EGFR: variants seen among roughly 807,000 people sequenced by gnomAD.
EGFR encodes the protein epidermal growth factor receptor.
Under a neutral mutation model 143.0 loss-of-function variants are expected in EGFR, and 58 were observed. The ratio of observed to expected loss-of-function variants is 0.41; its 90% CI spans 0.33 to 0.50. EGFR has a LOEUF of 0.50. Ranked by LOEUF, EGFR falls within the 20% of genes least tolerant of loss-of-function variation. EGFR has a pLI of 0.39. For missense variants in EGFR, 1,307 were observed against 1,579.0 expected, an observed-to-expected ratio of 0.83 and a Z score of 2.92; for synonymous variants, 613 against 594.4, an observed-to-expected ratio of 1.03 and a Z score of -0.45.
At chr7:55,065,302 C>A (rs1203376286) in intron 1 of EGFR, among the ~76,000 whole-genome samples, 1 of 152,154 alleles carries the variant, frequency 6.6e-6, no homozygotes, top group East Asian at 1.9e-4. Context: ...GAGGAGTAAG[C>A]TTTGCTGGTG....
intron 11 of EGFR, 79 bp downstream of exon 11, chr7:55,157,832 A>G: frequency 7.2e-7 from 1 of 1,382,974 alleles, no homozygotes; most frequent in Non-Finnish European, 1.0e-6. Context: ...GAGAGTTGCT[A>G]AGATAGGGCA....
Position 55,190,457 on chromosome 7 carries a change from A to T in EGFR, c.2470-1262A>T, listed in dbSNP as rs192555903. On this transcript the variant is annotated intron_variant, in intron 20 of 27. Transcript: ENST00000275493. ...GACTGGTTTTGCCTGAGAAAGAAAA[A>T]ATTTTAATTTTGCTCTGACATGCCA... is the stretch of plus-strand genomic sequence containing the variant. Among the ~76,000 whole-genome samples, 7 of 152,238 alleles carry T rather than the reference A, an allele frequency of 4.6e-5. No homozygotes were observed. In the East Asian group the frequency reaches 9.6e-4, roughly 21 times the overall value.
chr7:55,156,091 T>C, intron 8 of EGFR, 145 bp downstream of exon 8: 1 of 733,700 alleles, frequency 1.4e-6, no homozygotes, highest in East Asian at 2.7e-5. Flanking sequence ...GATAAAGCTG[T>C]AAAGCTAGGT....
chr7:55,177,629 A>C (rs944686300), intron 19 of EGFR, among the ~76,000 whole-genome samples: 3 of 152,232 alleles, frequency 2.0e-5, no homozygotes, highest in Admixed American at 6.5e-5. Context: ...CGGTAGAGCC[A>C]TTCACAGATG....
chr7:55,148,029 C>T (rs554323048), intron 4 of EGFR, among the ~76,000 whole-genome samples: 1 of 152,294 alleles, frequency 6.6e-6, no homozygotes, highest in Non-Finnish European at 1.5e-5. Flanking sequence ...GTCCATTCAC[C>T]TATCTACAGA....
intron 1 of EGFR, among the ~76,000 whole-genome samples, chr7:55,127,602 C>T (rs888149066): frequency 3.9e-5 from 6 of 152,146 alleles, no homozygotes; most frequent in African/African-American, 1.4e-4. Flanking sequence ...AATGGCTGTT[C>T]AACAGCATAG....
At chr7:55,145,613 G>A (rs1016219185) in intron 3 of EGFR, among the ~76,000 whole-genome samples, 10 of 152,294 alleles carry the variant, frequency 6.6e-5, no homozygotes, top group East Asian at 1.9e-4. Flanking sequence ...CCTTTCCCAC[G>A]TTGGTACTCT....
At chr7:55,039,729 T>G (rs901549094) in intron 1 of EGFR, among the ~76,000 whole-genome samples, 5 of 152,160 alleles carry the variant, frequency 3.3e-5, no homozygotes, top group African/African-American at 1.2e-4. Flanking sequence ...TCCCATTTCT[T>G]TCCACATTTT....
chr7:55,039,692 C>T (rs907295382), intron 1 of EGFR, among the ~76,000 whole-genome samples: 6 of 152,078 alleles, frequency 3.9e-5, no homozygotes, highest in Admixed American at 2.6e-4. Context: ...TTGAGTGTAT[C>T]GGTAATTAAG....
intron 24 of EGFR, chr7:55,200,939 C>T (rs1372145915): frequency 5.2e-6 from 3 of 571,550 alleles, no homozygotes; most frequent in African/African-American, 3.7e-5. Flanking sequence ...CTTTCTGTTT[C>T]CTCAGAAGCT....
intron 20 of EGFR, 98 bp downstream of exon 20, chr7:55,181,576 A>C: frequency 7.0e-7 from 1 of 1,427,328 alleles, no homozygotes; most frequent in Admixed American, 1.8e-5. Context: ...CCATGGGGAT[A>C]TGTGTGTGCG....
rs1788179689 is a variant in EGFR at position 55,209,124 on chromosome 7, G to A, written c.*3507G>A. 1 of 152,012 alleles carries A rather than the reference G, an allele frequency of 6.6e-6. No homozygotes were observed. The highest frequency in any genetic ancestry group is 6.5e-5 in the Admixed American group (1 of 15,270). The allele number at this position is 152,012 out of a possible 1,614,324, so 9.4% of individuals were successfully genotyped here. On this transcript the variant is annotated 3_prime_UTR_variant, in exon 28 of 28. Coordinates refer to ENST00000275493, the MANE Select transcript of EGFR (RefSeq NM_005228.5). ...AAGAATCATCTGTGGAGCTTCAAAA[G>A]AAGGGGCCTGGAGTCTCTGCAGACC...
intron 1 of EGFR, among the ~76,000 whole-genome samples, chr7:55,094,605 C>G (rs184270653): frequency 6.7e-4 from 102 of 152,312 alleles, no homozygotes; most frequent in African/African-American, 2.4e-3. Flanking sequence ...GAGGAATTTA[C>G]GACAAGACAG....
Position 55,201,240 on chromosome 7 carries a change from C to T in EGFR, c.2999C>T (p.Ala1000Val), listed in dbSNP as rs1787833607. 2.5e-6 allele frequency: 4 copies of T among 1,614,134 alleles called. No individual in the cohort carries two copies. Among genetic ancestry groups the T allele is most frequent in the Non-Finnish European group, 3.4e-6 (4 of 1,180,038 alleles). Residue 1000 changes from alanine to valine, a missense_variant, in exon 25 of 28, where the codon GCC becomes GTC. Transcript: ENST00000275493. The stretch of plus-strand genomic sequence containing the variant: ...CCTACAGACTCCAACTTCTACCGTG[C>T]CCTGATGGATGAAGAAGACATGGAC... ...PSPTDSNFYR[A>V]LMDEEDMDDV...
intron 26 of EGFR, 114 bp from the exon 27 acceptor site, chr7:55,202,403 C>T (rs766630048): frequency 3.9e-5 from 35 of 906,910 alleles, no homozygotes; most frequent in Non-Finnish European, 5.4e-5. Flanking sequence ...ACTCTCAGGC[C>T]TGCCCAACCT....
intron 1 of EGFR, among the ~76,000 whole-genome samples, chr7:55,075,844 A>G (rs1790105593): frequency 6.6e-6 from 1 of 152,178 alleles, no homozygotes; most frequent in African/African-American, 2.4e-5. Flanking sequence ...CCAAATCAGA[A>G]TTTGCTGAGC....
chr7:55,055,968 G>C (rs778532021), intron 1 of EGFR, among the ~76,000 whole-genome samples: 1 of 152,114 alleles, frequency 6.6e-6, no homozygotes, highest in Admixed American at 6.5e-5. Flanking sequence ...TGGGTAATAA[G>C]GCATTGGGTT....
At chr7:55,171,824 C>T (rs550531038) in intron 16 of EGFR, among the ~76,000 whole-genome samples, 22 of 152,336 alleles carry the variant, frequency 1.4e-4, no homozygotes, top group African/African-American at 3.4e-4. Context: ...AATTATACAC[C>T]GAGCACCTGT....
chr7:55,171,712 T>C (rs1786361441), intron 16 of EGFR, among the ~76,000 whole-genome samples: 1 of 152,126 alleles, frequency 6.6e-6, no homozygotes, highest in African/African-American at 2.4e-5. Context: ...CTGGCCAGTT[T>C]GCCAGAGCAA....
Sources: gnomAD v4.1 joint callset for allele counts (sites outside exome capture counted in the v4.1 genomes callset) on GRCh38, gnomAD v4.1.1 for gene constraint, MANE v1.5 for transcripts, NCBI Gene and HGNC (gene_info 2026-07-23, HGNC 2026-07-21) for gene names.